Variants in EEF1D observed in about 807,000 individuals in gnomAD.
EEF1D encodes elongation factor 1-delta.
In EEF1D, 47 loss-of-function variants were observed where a neutral mutation model predicts 63.9. The observed-to-expected ratio is 0.74, with a 90% CI of 0.58 to 0.94. EEF1D has a LOEUF of 0.94. Among genes scored for constraint, EEF1D ranks in the 40% least tolerant of loss-of-function variants. The pLI is 0.00. For synonymous variants in EEF1D, 412 were observed against 386.1 expected (o/e 1.07, Z -0.79); for missense variants, 907 against 899.0 (o/e 1.01, Z -0.11).
At chr8:143,592,071 G>A (rs754579290) in intron 2 of EEF1D, 4 of 985,370 alleles carry the variant, frequency 4.1e-6, no homozygotes, top group Non-Finnish European at 4.8e-6. Context: ...TCCTTCCCCA[G>A]GCTGGGGCAG....
At chr8:143,584,408 A>G (rs938353448) in intron 5 of EEF1D, among the ~76,000 whole-genome samples, 3 of 151,878 alleles carry the variant, frequency 2.0e-5, no homozygotes, top group African/African-American at 7.3e-5. Flanking sequence ...AAAAAAAAGA[A>G]AAAAAAATGT....
intron 9 of EEF1D, 59 bp downstream of exon 9, chr8:143,579,953 G>C (rs867850823): frequency 4.0e-5 from 63 of 1,579,132 alleles, no homozygotes; most frequent in Non-Finnish European, 4.7e-5. Context: ...GTGGAGTGCA[G>C]GGTATGGGCC....
chr8:143,586,113 G>A, intron 5 of EEF1D, 106 bp downstream of exon 5: 1 of 1,018,766 alleles, frequency 9.8e-7, no homozygotes, highest in Non-Finnish European at 1.5e-6. Context: ...CGTGCACCCT[G>A]CCCTGACTCT....
At chr8:143,580,423 C>T in intron 8 of EEF1D, 83 bp downstream of exon 8, 2 of 1,485,712 alleles carry the variant, frequency 1.3e-6, no homozygotes, top group Non-Finnish European at 1.8e-6. Context: ...ACCCAGAGGG[C>T]AGGGGGAGGG....
chr8:143,589,550 C>A lies in EEF1D; in HGVS notation c.532G>T (p.Val178Leu). Reference sequence around the variant, plus strand: ...AGCAACAGGGCCTGAGACCACTCCACGAAGGCCCGCTCAGCCTGGTCGAAG... The same window carrying A: ...AGCAACAGGGCCTGAGACCACTCCAAGAAGGCCCGCTCAGCCTGGTCGAAG... ...SSFDQAERAF[V>L]EWSQALLLAP... Residue 178 changes from valine (V) to leucine (L), a missense_variant, in exon 3 of 10, where the codon GTG becomes TTG. By Grantham distance (32) the Val-to-Leu change is conservative. Transcript: ENST00000618139. The A allele has an allele frequency of 6.6e-7, 1 of 1,513,750 alleles. No individual in the cohort carries two copies. The highest frequency in any genetic ancestry group is 8.8e-7 in the Non-Finnish European group (1 of 1,130,494). 93.8% of individuals were successfully genotyped at this position (1,513,750 alleles called of 1,614,324 possible). A position where few individuals can be genotyped will look rare whatever the true frequency, so the allele number is the denominator to read the frequency against.
Position 143,588,761 on chromosome 8 carries a change from T to C in EEF1D, c.1091+230A>G, listed in dbSNP as rs1286630455. ...CCCTGTGCTGAGCCCTTCCCTGCCCTCATCCAGGCAGCCTGGAACTTTGTA... is the reference window on the plus strand; with the variant it reads ...CCCTGTGCTGAGCCCTTCCCTGCCCCCATCCAGGCAGCCTGGAACTTTGTA... On this transcript the variant is annotated intron_variant, in intron 3 of 9. Transcript: ENST00000618139. The C allele has an allele frequency of 4.9e-6, 3 of 608,846 alleles. No individual in the cohort carries two copies. The African/African-American group carries it at 5.6e-5, about 11-fold the overall frequency. The allele number at this position is 608,846 out of a possible 1,614,324, so 37.7% of individuals were successfully genotyped here. A position where few individuals can be genotyped will look rare whatever the true frequency, so the allele number is the denominator to read the frequency against.
chr8:143,590,183 C>T, intron 2 of EEF1D, 102 bp from the exon 3 acceptor site: 1 of 1,265,634 alleles, frequency 7.9e-7, no homozygotes. Context: ...CTCCCCGTGG[C>T]TGCCCTCCCT....
intron 3 of EEF1D, among the ~76,000 whole-genome samples, chr8:143,587,848 C>T (rs776077188): frequency 3.9e-5 from 6 of 152,242 alleles, no homozygotes; most frequent in Non-Finnish European, 7.3e-5. Flanking sequence ...TGGCCGGGGC[C>T]CAGACCCTCT....
chr8:143,589,155 C>T lies in EEF1D; in HGVS notation c.927G>A (p.Gln309=). 6.2e-7 allele frequency: 1 copy of T among 1,608,282 alleles called. No homozygotes were observed. Among genetic ancestry groups the T allele is most frequent in the Non-Finnish European group, 8.5e-7 (1 of 1,177,726 alleles). Reference sequence around the variant, plus strand: ...TGAGCCAGGGGGCCTCTGCATCCTTCTGCAGGAAGTAACAGTAGGGCAAGG... The same window carrying T: ...TGAGCCAGGGGGCCTCTGCATCCTTTTGCAGGAAGTAACAGTAGGGCAAGG... ...PSALPYCYFL[Q]KDAEAPWLSK... Residue 309 remains glutamine (Q), a synonymous_variant, in exon 3 of 10, where the codon CAG becomes CAA. Transcript: ENST00000618139.
chr8:143,582,129 G>A (rs3793371), intron 5 of EEF1D: 9,382 of 152,418 alleles, frequency 0.062, 340 homozygotes, highest in East Asian at 0.15. Context: ...GCCGCTCCTT[G>A]CAGCAGGTGC....
intron 1 of EEF1D, 81 bp from the exon 2 acceptor site, chr8:143,592,741 C>T (rs1587232981): frequency 1.0e-6 from 1 of 981,284 alleles, no homozygotes; most frequent in African/African-American, 1.7e-5. Context: ...GCAGGTCAGC[C>T]CGGGGCGGCC....
intron 5 of EEF1D, chr8:143,582,702 C>T (rs565355649): frequency 6.6e-5 from 10 of 151,354 alleles, no homozygotes; most frequent in African/African-American, 2.4e-4. Flanking sequence ...GCACTCAGGA[C>T]ACAGGGAGAG....
In EEF1D at chr8:143,592,137, G is replaced by A. The variant is rs995455753; in HGVS notation, c.-1+510C>T. On this transcript the variant is annotated intron_variant, in intron 2 of 9. Coordinates refer to ENST00000618139, the MANE Select transcript of EEF1D (RefSeq NM_001130053.5). ...GCAGGGGTTGTGGGTTGGGGGTGGGGTGGGAGCAAGAGCCCAGGAGACAGG... is the reference window on the plus strand; with the variant it reads ...GCAGGGGTTGTGGGTTGGGGGTGGGATGGGAGCAAGAGCCCAGGAGACAGG... 1.4e-5 allele frequency: 14 copies of A among 985,356 alleles called. No homozygotes were observed. The South Asian group carries it at 4.7e-4, about 33-fold the overall frequency. The allele number at this position is 985,356 out of a possible 1,614,324, so 61.0% of individuals were successfully genotyped here. A position where few individuals can be genotyped will look rare whatever the true frequency, so the allele number is the denominator to read the frequency against.
intron 2 of EEF1D, chr8:143,591,979 G>T: frequency 1.0e-6 from 1 of 958,138 alleles, no homozygotes; most frequent in Non-Finnish European, 1.2e-6. Flanking sequence ...CCAGCAACAA[G>T]TTCTAATGGC....
rs771739189 is a variant in EEF1D, at chr8:143,581,264, GC to G, written c.1351del (p.Ala451ProfsTer28). 1 of 1,612,648 alleles carries G rather than the reference GC, an allele frequency of 6.2e-7. No individual in the cohort carries two copies. Among genetic ancestry groups the G allele is most frequent in the Non-Finnish European group, 8.5e-7 (1 of 1,179,994 alleles). On this transcript the variant is annotated frameshift_variant, in exon 6 of 10. Transcript: ENST00000618139. LOFTEE classifies it high-confidence loss of function. ...ACTCTGGTTCTCCACTTCCAGACTG[GC>G]AATCCGGACGACGAGCTCACCGTGG... The part of the protein sequence containing the change: ...GDHGELVVRI[A>X]SLEVENQSLR...
intron 1 of EEF1D, chr8:143,596,207 C>CT (rs1444006501): frequency 6.6e-6 from 1 of 152,434 alleles, no homozygotes; most frequent in East Asian, 1.9e-4. Flanking sequence ...TCTGCCAGCA[C>CT]TGACTGCGTG....
At position 143,581,346 on chromosome 8, in the gene EEF1D, G is replaced by A. The variant is rs770126909; in HGVS notation, c.1288-18C>T. ...CCTGAGCTCTGCAAGGCAGGAGGAG[G>A]GGAGGGCTCAGTGCCCAGCCTGCTC... is the stretch of plus-strand genomic sequence containing the variant. On this transcript the variant is annotated intron_variant, in intron 5 of 9. Coordinates refer to ENST00000618139, the MANE Select transcript of EEF1D (RefSeq NM_001130053.5). 16 of 1,605,854 alleles carry A rather than the reference G, an allele frequency of 1.0e-5. No homozygotes were observed. In the Admixed American group the frequency reaches 1.8e-4, roughly 19 times the overall value.
Position 143,589,679 on chromosome 8 carries a change from G to A in EEF1D, c.403C>T (p.Gln135Ter), listed in dbSNP as rs1174519181. 1.3e-6 allele frequency: 2 copies of A among 1,532,464 alleles called. No individual in the cohort carries two copies. Among genetic ancestry groups the A allele is most frequent in the Middle Eastern group, 1.8e-4 (1 of 5,688 alleles). 94.9% of individuals were successfully genotyped at this position (1,532,464 alleles called of 1,614,324 possible). ...GCCAAGGCAGGAGGCCAGGCTGCCTGGGCAGCCACATCTGCCAGCTTCTGG... is the reference window on the plus strand; with the variant it reads ...GCCAAGGCAGGAGGCCAGGCTGCCTAGGCAGCCACATCTGCCAGCTTCTGG... ...YRQKLADVAA[Q>*]AAWPPALAPW... Residue 135 changes from glutamine (Q) to a stop codon, truncating the protein, a stop_gained, in exon 3 of 10, where the codon CAG becomes TAG. Transcript: ENST00000618139. LOFTEE classifies it high-confidence loss of function.
In EEF1D at chr8:143,593,880, G is replaced by A. The variant is rs181420774; in HGVS notation, c.-14-1220C>T. On this transcript the variant is annotated intron_variant, in intron 1 of 9. Coordinates refer to ENST00000618139, the MANE Select transcript of EEF1D (RefSeq NM_001130053.5). ...ATTCCCAAGCATGGGAGGACCTGCC[G>A]GACGCAGCGCACCATCTCTCCTAAC... 74 of 985,382 alleles carry A rather than the reference G, an allele frequency of 7.5e-5. No homozygotes were observed. The African/African-American group carries it at 9.4e-4, about 13-fold the overall frequency. The allele number at this position is 985,382 out of a possible 1,614,324, so 61.0% of individuals were successfully genotyped here. A position where few individuals can be genotyped will look rare whatever the true frequency, so the allele number is the denominator to read the frequency against.
Sources: allele counts gnomAD v4.1 joint callset (sites outside exome capture counted in the v4.1 genomes callset), GRCh38; gene constraint gnomAD v4.1.1; transcripts MANE v1.5; gene names NCBI Gene and HGNC (gene_info 2026-07-23, HGNC 2026-07-21).